RBMS3: variants seen among roughly 807,000 people sequenced by gnomAD.
RBMS3 encodes RNA-binding motif, single-stranded-interacting protein 3.
In RBMS3, 27 loss-of-function variants were observed where a neutral mutation model predicts 66.8. The observed-to-expected ratio is 0.40, with a 90% CI of 0.30 to 0.56. The LOEUF (loss-of-function observed/expected upper bound fraction) is 0.56. Ranked by LOEUF, RBMS3 falls within the 20% of genes least tolerant of loss-of-function variation. The probability of loss-of-function intolerance (pLI) is 0.40; values close to 1 mark genes in which losing one functional copy is unlikely to be tolerated. For missense variants in RBMS3, 513 were observed against 549.5 expected (o/e 0.93, Z 0.66); for synonymous variants, 188 against 183.0 (o/e 1.03, Z -0.22).
At chr3:29,892,835 G>T (rs377541323) in intron 8 of RBMS3, among the ~76,000 whole-genome samples, 8 of 127,098 alleles carry the variant, frequency 6.3e-5, no homozygotes, top group African/African-American at 2.6e-4. Context: ...ATGTATGTAT[G>T]TATGTATGTA....
intron 2 of RBMS3, among the ~76,000 whole-genome samples, chr3:29,487,903 G>A (rs146603736): frequency 2.1e-3 from 324 of 152,156 alleles, no homozygotes; most frequent in African/African-American, 7.4e-3. Flanking sequence ...TGGTGTCTCC[G>A]TATATTCTTT....
At chr3:29,323,783 A>C (rs953545268) in intron 1 of RBMS3, among the ~76,000 whole-genome samples, 3 of 151,928 alleles carry the variant, frequency 2.0e-5, no homozygotes, top group Admixed American at 6.6e-5. Context: ...GTATCTCTTC[A>C]TATAATTCAC....
intron 4 of RBMS3, among the ~76,000 whole-genome samples, chr3:29,702,866 C>A (rs2052690253): frequency 6.6e-6 from 1 of 152,188 alleles, no homozygotes; most frequent in African/African-American, 2.4e-5. Context: ...GTAACACTCA[C>A]CGCGAGGGTC....
At chr3:29,946,951 T>C (rs1309538582) in intron 12 of RBMS3, among the ~76,000 whole-genome samples, 1 of 151,356 alleles carries the variant, frequency 6.6e-6, no homozygotes, top group Non-Finnish European at 1.5e-5. Flanking sequence ...CTAGGTGAAG[T>C]GAGGAAAAGG....
At chr3:29,909,100 CG>C (rs1044944884) in intron 10 of RBMS3, among the ~76,000 whole-genome samples, 2 of 151,848 alleles carry the variant, frequency 1.3e-5, no homozygotes, top group African/African-American at 4.8e-5. Context: ...AAGGGGACTA[CG>C]GGGGGAGCAA....
At chr3:29,690,769 T>C (rs2051968408) in intron 4 of RBMS3, among the ~76,000 whole-genome samples, 1 of 152,260 alleles carries the variant, frequency 6.6e-6, no homozygotes, top group South Asian at 2.1e-4. Context: ...AACTTTGTGC[T>C]CTGTCATAAA....
intron 3 of RBMS3, among the ~76,000 whole-genome samples, chr3:29,513,768 GA>G (rs1233820454): frequency 6.6e-6 from 1 of 151,672 alleles, no homozygotes; most frequent in Non-Finnish European, 1.5e-5. Context: ...CCTTCTATTT[GA>G]AAAAAAATAT....
intron 1 of RBMS3, among the ~76,000 whole-genome samples, chr3:29,295,303 ATC>A (rs374045909): frequency 0.1 from 442 of 4,278 alleles, 8 homozygotes; most frequent in African/African-American, 0.2. Flanking sequence ...ATACATATAT[ATC>A]TATATATATA....
rs138802556 is a variant in RBMS3 at position 29,638,420 on chromosome 3, A to C, written c.399+51215A>C. On this transcript the variant is annotated intron_variant, in intron 4 of 14. Coordinates refer to ENST00000383767, the MANE Select transcript of RBMS3 (RefSeq NM_001003793.3). The stretch of plus-strand genomic sequence containing the variant: ...TTAATCCACCAAGGCTGTAACTCAC[A>C]ACTCTTAATATTCTGATATTATTCT... Among the ~76,000 whole-genome samples the C allele has an allele frequency of 7.0e-3, 1,067 of 151,882 alleles. 28 individuals carry two copies. The highest frequency in any genetic ancestry group is 0.057 in the Admixed American group (861 of 15,192).
intron 12 of RBMS3, among the ~76,000 whole-genome samples, chr3:29,978,501 A>T (rs1392496330): frequency 1.3e-5 from 2 of 152,144 alleles, no homozygotes; most frequent in Admixed American, 1.3e-4. Context: ...CACACATACA[A>T]CACATTGAAC....
At chr3:29,830,785 C>A (rs1319080991) in intron 6 of RBMS3, among the ~76,000 whole-genome samples, 1 of 152,054 alleles carries the variant, frequency 6.6e-6, no homozygotes, top group Non-Finnish European at 1.5e-5. Context: ...AATTCAGATC[C>A]TTTGCCCCTT....
chr3:29,317,413 G>T (rs1278399067), intron 1 of RBMS3, among the ~76,000 whole-genome samples: 1 of 151,558 alleles, frequency 6.6e-6, no homozygotes, highest in Non-Finnish European at 1.5e-5. Context: ...GAACCTAAAA[G>T]CTTTAAATAA....
At chr3:29,997,712 TCAACAA>T (rs1252588453) in intron 14 of RBMS3, among the ~76,000 whole-genome samples, 26 of 152,038 alleles carry the variant, frequency 1.7e-4, no homozygotes, top group African/African-American at 6.3e-4. Flanking sequence ...TTGACAAAAT[TCAACAA>T]CCCTTCATGC....
chr3:29,519,897 C>G (rs6778975), intron 3 of RBMS3, among the ~76,000 whole-genome samples: 25,965 of 152,056 alleles, frequency 0.17, 2,915 homozygotes, highest in East Asian at 0.47. Flanking sequence ...GTTCTAATCA[C>G]AGTTGCCAGA....
At chr3:29,416,210 G>A (rs1575755939) in intron 1 of RBMS3, among the ~76,000 whole-genome samples, 1 of 152,164 alleles carries the variant, frequency 6.6e-6, no homozygotes, top group African/African-American at 2.4e-5. Context: ...CTCTTGGTGT[G>A]TGGGAGAGGT....
chr3:29,625,432 G>A (rs1419848452), intron 4 of RBMS3, among the ~76,000 whole-genome samples: 3 of 152,054 alleles, frequency 2.0e-5, no homozygotes, highest in African/African-American at 4.8e-5. Flanking sequence ...AGTGGATCAC[G>A]CCTGTAATCC....
intron 4 of RBMS3, among the ~76,000 whole-genome samples, chr3:29,722,995 G>A (rs1309188370): frequency 6.6e-6 from 1 of 151,328 alleles, no homozygotes; most frequent in Non-Finnish European, 1.5e-5. Context: ...TGTTTTTTGA[G>A]ATGGAGTTTC....
chr3:29,579,525 G>A lies in RBMS3; in HGVS notation c.308-7589G>A, dbSNP rs140738861. Reference sequence around the variant, plus strand: ...GGTTTGCCTATCCTAAATTGGGGCTGGGGTTTCTAGAGCTATAATTAAAGT... The same window carrying A: ...GGTTTGCCTATCCTAAATTGGGGCTAGGGTTTCTAGAGCTATAATTAAAGT... On this transcript the variant is annotated intron_variant, in intron 3 of 14. Coordinates refer to ENST00000383767, the MANE Select transcript of RBMS3 (RefSeq NM_001003793.3). Among the ~76,000 whole-genome samples the A allele has an allele frequency of 6.6e-5, 10 of 152,254 alleles. No individual in the cohort carries two copies. The East Asian group carries it at 1.9e-3, about 29-fold the overall frequency.
chr3:29,346,671 G>C (rs887415846), intron 1 of RBMS3, among the ~76,000 whole-genome samples: 1 of 152,008 alleles, frequency 6.6e-6, no homozygotes, highest in African/African-American at 2.4e-5. Context: ...GGGATTACAG[G>C]CGTGAGCCAC....
Sources: gnomAD v4.1 joint callset for allele counts (sites outside exome capture counted in the v4.1 genomes callset) on GRCh38, gnomAD v4.1.1 for gene constraint, MANE v1.5 for transcripts, NCBI Gene and HGNC (gene_info 2026-07-23, HGNC 2026-07-21) for gene names.